Variants in ITFG2 observed in about 807,000 individuals in gnomAD.
ITFG2 encodes the protein KICSTOR complex protein ITFG2.
ITFG2 carries 36 observed loss-of-function variants against 54.4 expected under a neutral mutation model. The observed-to-expected ratio is 0.66, with a 90% CI of 0.51 to 0.87. The LOEUF is 0.87. ITFG2 is among the 40% of genes least tolerant of loss of function. The pLI is 0.00. For missense variants in ITFG2, 524 were observed against 576.7 expected (o/e 0.91, Z 0.94); for synonymous variants, 211 against 225.4 (o/e 0.94, Z 0.57).
chr12:2,842,566 T>G (rs1288808033), intron 2 of ITFG2, among the ~76,000 whole-genome samples: 4 of 151,894 alleles, frequency 2.6e-5, no homozygotes, highest in Non-Finnish European at 5.9e-5. Flanking sequence ...TGAGAGCTCG[T>G]CGCTACAAAA....
At chr12:2,819,325 G>A (rs544455715) in intron 4 of ITFG2, among the ~76,000 whole-genome samples, 64 of 151,976 alleles carry the variant, frequency 4.2e-4, no homozygotes, top group South Asian at 8.3e-4. Flanking sequence ...AAAATTAACC[G>A]GGCATGGTGG....
intron 3 of ITFG2, chr12:2,858,385 T>C: frequency 2.1e-6 from 1 of 474,662 alleles, no homozygotes; most frequent in Non-Finnish European, 3.8e-6. Flanking sequence ...CCTAATCTCT[T>C]TTCACCATTG....
intron 1 of ITFG2, among the ~76,000 whole-genome samples, chr12:2,816,571 C>T (rs573633946): frequency 2.3e-4 from 35 of 152,020 alleles, no homozygotes; most frequent in African/African-American, 7.7e-4. Flanking sequence ...CCTCATGATC[C>T]GCCCGCCTTG....
chr12:2,820,368 T>C (rs1182709368), intron 5 of ITFG2, 143 bp downstream of exon 5: 2 of 1,079,938 alleles, frequency 1.9e-6, no homozygotes, highest in Non-Finnish European at 2.6e-6. Context: ...CCAAAGACCA[T>C]TTCAAATCAG....
intron 2 of ITFG2, among the ~76,000 whole-genome samples, chr12:2,842,220 C>G (rs1431759287): frequency 7.3e-6 from 1 of 136,662 alleles, no homozygotes; most frequent in Non-Finnish European, 1.5e-5. Flanking sequence ...CTCCTGGGTT[C>G]AAGGGATTCT....
Position 2,824,187 on chromosome 12 carries a change from C to A in ITFG2, c.1338C>A (p.Pro446=). 6.2e-7 allele frequency: 1 copy of A among 1,614,086 alleles called. No homozygotes were observed. Among genetic ancestry groups the A allele is most frequent in the African/African-American group, 1.3e-5 (1 of 75,028 alleles). The change falls in exon 12 of 12, where the codon CCC becomes CCA. Residue 446 remains proline, a synonymous_variant. Transcript: ENST00000228799. ...GTGCTCCCTCAAGCCTCCAGGATCC[C>A]ACCTAGCTGTACTTGCCTCATAGCT... is the stretch of plus-strand genomic sequence containing the variant. The part of the protein sequence containing the change: ...PQCAPSSLQD[P]T
chr12:2,853,551 G>T lies in ITFG2; in HGVS notation n.301-4461G>T, dbSNP rs144492141. On this transcript the variant is annotated intron_variant and non_coding_transcript_variant, in intron 2 of 3. Coordinates refer to the ITFG2 transcript ENST00000537710. The stretch of plus-strand genomic sequence containing the variant: ...GCCTCCCAAAGTGCTGGGATTACAG[G>T]CGTGAGCCACCAGGCCCGGCCTGTT... Among the ~76,000 whole-genome samples the T allele has an allele frequency of 7.4e-3, 1,131 of 152,118 alleles. 15 individuals are homozygous for T. Among genetic ancestry groups the T allele is most frequent in the African/African-American group, 0.026 (1,087 of 41,496 alleles).
intron 1 of ITFG2, among the ~76,000 whole-genome samples, chr12:2,814,717 G>A (rs1454640201): frequency 1.3e-5 from 2 of 151,348 alleles, no homozygotes; most frequent in South Asian, 2.1e-4. Context: ...TTGTAGTCCC[G>A]GCTACTCAGG....
At chr12:2,836,290 C>G (rs2098027521), upstream of ITFG2, among the ~76,000 whole-genome samples, 1 of 152,204 alleles carries the variant, frequency 6.6e-6, no homozygotes, top group African/African-American at 2.4e-5. Flanking sequence ...CTTTTTCTAG[C>G]CCTGGCTTAT....
chr12:2,858,938 C>T (rs2098100322), intron 3 of ITFG2: 2 of 1,613,666 alleles, frequency 1.2e-6, no homozygotes, highest in African/African-American at 1.3e-5. Flanking sequence ...GAGCACTTTG[C>T]AAGGGAGTGG....
chr12:2,828,206 T>C, downstream of ITFG2: 3 of 1,157,410 alleles, frequency 2.6e-6, no homozygotes, highest in Non-Finnish European at 3.8e-6. Context: ...CTAGCCACTC[T>C]TTTGTTAAAT....
chr12:2,835,156 C>CGTTTGTGT, upstream of ITFG2: 1 of 1,299,400 alleles, frequency 7.7e-7, no homozygotes, highest in Non-Finnish European at 9.6e-7. Flanking sequence ...GTGGATGGGG[C>CGTTTGTGT]GTATGTGTGT....
At chr12:2,854,863 C>T (rs1418550837) in intron 2 of ITFG2, 2 of 1,508,862 alleles carry the variant, frequency 1.3e-6, no homozygotes, top group Non-Finnish European at 1.8e-6. Flanking sequence ...GCAGGGCAGG[C>T]TGGGTGGGCT....
At chr12:2,850,417 G>A (rs1162683103) in intron 2 of ITFG2, among the ~76,000 whole-genome samples, 3 of 146,494 alleles carry the variant, frequency 2.0e-5, no homozygotes, top group Non-Finnish European at 4.5e-5. Flanking sequence ...GAGGTTGCAA[G>A]CAGTGAGCCC....
chr12:2,824,895 G>A lies in ITFG2; in HGVS notation c.*702G>A, dbSNP rs186357058. 85 of 152,616 alleles carry A rather than the reference G, an allele frequency of 5.6e-4. No individual in the cohort carries two copies. The East Asian group carries it at 6.9e-3, about 12-fold the overall frequency. The allele number at this position is 152,616 out of a possible 1,614,324, so 9.5% of individuals were successfully genotyped here. Reference sequence around the variant, plus strand: ...ACAATAGACATTTAAAATGTGATGCGGGTTTATGATCCAGACCACAATCAG... The same window carrying A: ...ACAATAGACATTTAAAATGTGATGCAGGTTTATGATCCAGACCACAATCAG... On this transcript the variant is annotated 3_prime_UTR_variant, in exon 12 of 12. Coordinates refer to ENST00000228799, the MANE Select transcript of ITFG2 (RefSeq NM_018463.4).
chr12:2,844,782 G>A (rs1001547576), intron 2 of ITFG2, among the ~76,000 whole-genome samples: 1 of 152,046 alleles, frequency 6.6e-6, no homozygotes, highest in South Asian at 2.1e-4. Flanking sequence ...GTGATACTCA[G>A]ACTAAAGAAG....
intron 2 of ITFG2, among the ~76,000 whole-genome samples, chr12:2,843,158 C>G (rs911245684): frequency 1.3e-5 from 2 of 152,194 alleles, no homozygotes; most frequent in African/African-American, 4.8e-5. Flanking sequence ...CAGAGCTAGA[C>G]AAACAGCTCT....
At chr12:2,839,294 A>G (rs2153926970) in intron 1 of ITFG2, among the ~76,000 whole-genome samples, 1 of 152,294 alleles carries the variant, frequency 6.6e-6, no homozygotes, top group East Asian at 1.9e-4. Context: ...CCGGCTCAAA[A>G]AAAAACCAAA....
At chr12:2,821,103 C>A (rs2286602) in intron 6 of ITFG2, among the ~76,000 whole-genome samples, 159 bp from the exon 7 acceptor site, 1 of 152,062 alleles carries the variant, frequency 6.6e-6, no homozygotes, top group Non-Finnish European at 1.5e-5. Flanking sequence ...GCAGCCCCAT[C>A]CCTGTCTTTT....
Sources: gnomAD v4.1 joint callset for allele counts (sites outside exome capture counted in the v4.1 genomes callset) on GRCh38, gnomAD v4.1.1 for gene constraint, MANE v1.5 for transcripts, NCBI Gene and HGNC (gene_info 2026-07-23, HGNC 2026-07-21) for gene names.